PHF24: variants seen among roughly 807,000 people sequenced by gnomAD.
PHF24 encodes the protein Galpha inhibitory interacting protein.
In PHF24, 25 loss-of-function variants were observed where a neutral mutation model predicts 42.6. The observed-to-expected ratio is 0.59, with a 90% confidence interval of 0.43 to 0.82. The LOEUF (loss-of-function observed/expected upper bound fraction) is 0.82. PHF24 is among the 40% of genes least tolerant of loss of function. PHF24 has a pLI of 0.00. For synonymous variants in PHF24, 185 were observed against 204.8 expected, an observed-to-expected ratio of 0.90 and a Z score of 0.83; for missense variants, 470 against 538.1, an observed-to-expected ratio of 0.87 and a Z score of 1.25.
At chr9:34,893,541 C>T in the PHF24 span, among the ~76,000 whole-genome samples, 1,995 of 151,384 alleles carry the variant, frequency 0.013, 18 homozygotes, top group Non-Finnish European at 0.02. Context: ...ACGGAGCTTG[C>T]AGTGAGCCGA....
At chr9:34,767,802 A>C in the PHF24 span, among the ~76,000 whole-genome samples, 5 of 152,200 alleles carry the variant, frequency 3.3e-5, no homozygotes, top group Non-Finnish European at 7.3e-5. Flanking sequence ...TGCGTCGCTC[A>C]CGCTGGGAGC....
At chr9:34,828,508 C>G in the PHF24 span, among the ~76,000 whole-genome samples, 2 of 152,168 alleles carry the variant, frequency 1.3e-5, no homozygotes, top group African/African-American at 2.4e-5. Context: ...CTCTCTGGAA[C>G]AAACCTCCTT....
intron 1 of PHF24, among the ~76,000 whole-genome samples, chr9:34,967,051 T>A (rs1826799910): frequency 6.6e-6 from 1 of 152,180 alleles, no homozygotes; most frequent in Non-Finnish European, 1.5e-5. Flanking sequence ...TAAATTTTTT[T>A]TTTTTACATA....
the PHF24 span, among the ~76,000 whole-genome samples, chr9:34,837,956 G>A: frequency 6.6e-6 from 1 of 152,286 alleles, no homozygotes; most frequent in South Asian, 2.1e-4. Flanking sequence ...TGCTGAGGAT[G>A]AAGCAAGAGA....
the PHF24 span, chr9:34,893,113 G>T: frequency 2.3e-6 from 2 of 858,496 alleles, no homozygotes; most frequent in Non-Finnish European, 3.4e-6. Context: ...CTGCACACAG[G>T]ATTCGCCGCA....
chr9:34,909,823 T>C, the PHF24 span, among the ~76,000 whole-genome samples: 136 of 152,242 alleles, frequency 8.9e-4, no homozygotes, highest in African/African-American at 3.1e-3. Context: ...GGGGTTTCAC[T>C]GTGTTAGCTA....
At chr9:34,881,405 A>G in the PHF24 span, among the ~76,000 whole-genome samples, 1 of 152,172 alleles carries the variant, frequency 6.6e-6, no homozygotes, top group Admixed American at 6.5e-5. Context: ...CCTTCAAAAA[A>G]ATCAATGAAT....
At chr9:34,853,752 C>G in the PHF24 span, among the ~76,000 whole-genome samples, 1 of 146,562 alleles carries the variant, frequency 6.8e-6, no homozygotes, top group East Asian at 2.1e-4. Context: ...GGCGTGAACC[C>G]GGGAGGTGGA....
At chr9:34,774,509 C>T in the PHF24 span, among the ~76,000 whole-genome samples, 5 of 152,092 alleles carry the variant, frequency 3.3e-5, no homozygotes, top group Admixed American at 6.6e-5. Flanking sequence ...TGGTGGTTTA[C>T]GCCTGTAATC....
the PHF24 span, among the ~76,000 whole-genome samples, chr9:34,716,227 TTCA>T: frequency 5.3e-5 from 8 of 152,346 alleles, no homozygotes; most frequent in East Asian, 1.5e-3. Context: ...GTTGCATGCA[TTCA>T]TCAATGTGTA....
At chr9:34,763,876 A>T in the PHF24 span, among the ~76,000 whole-genome samples, 1 of 152,210 alleles carries the variant, frequency 6.6e-6, no homozygotes, top group African/African-American at 2.4e-5. Flanking sequence ...AGTCCCATCA[A>T]TACCTAATTT....
the PHF24 span, among the ~76,000 whole-genome samples, chr9:34,828,596 C>T: frequency 6.6e-6 from 1 of 152,196 alleles, no homozygotes; most frequent in Non-Finnish European, 1.5e-5. Flanking sequence ...ACACCTTCAT[C>T]ACTCATCTAA....
chr9:34,932,904 A>C, the PHF24 span, among the ~76,000 whole-genome samples: 84 of 150,472 alleles, frequency 5.6e-4, 1 homozygote, highest in African/African-American at 1.9e-3. Flanking sequence ...TCACAACCTA[A>C]CTCCACTAGA....
chr9:34,852,988 C>G, the PHF24 span, among the ~76,000 whole-genome samples: 1 of 151,968 alleles, frequency 6.6e-6, no homozygotes, highest in Admixed American at 6.6e-5. Flanking sequence ...AGCTTTATAC[C>G]CCTTTACCTG....
the PHF24 span, among the ~76,000 whole-genome samples, chr9:34,760,874 C>T: frequency 6.6e-6 from 1 of 152,122 alleles, no homozygotes; most frequent in Non-Finnish European, 1.5e-5. Context: ...CGCCTGTAGT[C>T]CCAGCTACAC....
the PHF24 span, chr9:34,724,340 T>C: frequency 6.4e-7 from 1 of 1,551,258 alleles, no homozygotes; most frequent in Non-Finnish European, 8.7e-7. Context: ...CTTCAAGTCA[T>C]TGGCCAGCTG....
the PHF24 span, among the ~76,000 whole-genome samples, chr9:34,909,333 T>C: frequency 6.6e-6 from 1 of 152,164 alleles, no homozygotes; most frequent in African/African-American, 2.4e-5. Flanking sequence ...CTTGGGAGGT[T>C]TAGCTAGCCT....
chr9:34,771,328 T>A, the PHF24 span, among the ~76,000 whole-genome samples: 1 of 152,226 alleles, frequency 6.6e-6, no homozygotes, highest in Non-Finnish European at 1.5e-5. Flanking sequence ...ATACAGCATG[T>A]TACTGTACTG....
the PHF24 span, among the ~76,000 whole-genome samples, chr9:34,805,731 A>AT: frequency 6.6e-6 from 1 of 151,972 alleles, no homozygotes; most frequent in Non-Finnish European, 1.5e-5. Flanking sequence ...CAATTTATCT[A>AT]TTTTTTTCTT....
Sources: gnomAD v4.1 joint callset for allele counts (sites outside exome capture counted in the v4.1 genomes callset) on GRCh38, gnomAD v4.1.1 for gene constraint, MANE v1.5 for transcripts, NCBI Gene and HGNC (gene_info 2026-07-23, HGNC 2026-07-21) for gene names.